Variants in PTP4A2 observed in about 807,000 individuals in gnomAD.
The protein encoded by PTP4A2 is protein tyrosine phosphatase type IVA 2.
Under a neutral mutation model 22.9 loss-of-function variants are expected in PTP4A2, and 2 were observed. The ratio of observed to expected loss-of-function variants is 0.09; its 90% CI spans 0.04 to 0.27. The LOEUF (loss-of-function observed/expected upper bound fraction) is 0.27, where lower values mean the gene tolerates loss of function less well. Among genes scored for constraint, PTP4A2 ranks in the 10% least tolerant of loss-of-function variants. The pLI is 1.00. For synonymous variants in PTP4A2, 68 were observed against 69.1 expected, an observed-to-expected ratio of 0.98 and a Z score of 0.08; for missense variants, 103 against 205.1, an observed-to-expected ratio of 0.50 and a Z score of 3.04.
In PTP4A2 at chr1:31,908,184, A is replaced by T. The variant is rs1157154284; in HGVS notation, c.*668T>A. The T allele has an allele frequency of 1.3e-4, 2 of 14,952 alleles. 1 individual carries two copies. Among genetic ancestry groups the T allele is most frequent in the Admixed American group, 2.2e-3 (2 of 902 alleles). The allele number at this position is 14,952 out of a possible 1,614,324, so 0.9% of individuals were successfully genotyped here. A position where few individuals can be genotyped will look rare whatever the true frequency, so the allele number is the denominator to read the frequency against. On this transcript the variant is annotated 3_prime_UTR_variant, in exon 6 of 6. Coordinates refer to ENST00000647444, the MANE Select transcript of PTP4A2 (RefSeq NM_080391.4). ...TATATATATATATATATATATATAT[A>T]TATATATATATATATATATATATCA... is the stretch of plus-strand genomic sequence containing the variant.
chr1:31,908,506 A>C lies in PTP4A2; in HGVS notation c.*346T>G. On this transcript the variant is annotated 3_prime_UTR_variant, in exon 6 of 6. Transcript: ENST00000647444. The stretch of plus-strand genomic sequence containing the variant: ...CCAAACAGATGGTTTTGCACAGGCT[A>C]ATGTTCTGCTGGTTTTCCTTAGAGA... 1 of 182,866 alleles carries C rather than the reference A, an allele frequency of 5.5e-6. No individual in the cohort carries two copies. The highest frequency in any genetic ancestry group is 1.1e-5 in the Non-Finnish European group (1 of 87,454). 11.3% of individuals were successfully genotyped at this position (182,866 alleles called of 1,614,324 possible).
At chr1:31,914,085 T>C (rs368846270) in intron 3 of PTP4A2, 11 of 376,288 alleles carry the variant, frequency 2.9e-5, no homozygotes, top group African/African-American at 1.1e-4. Context: ...TATTGACTGA[T>C]TGACTGACAA....
rs1295587006 is a variant in PTP4A2 at position 31,919,159 on chromosome 1, A to C, written c.-94T>G. ...ATCTTGAAATGTTTCACAGCAGAAAACATTAAAAAGACCACTAAAATGCCT... is the reference window on the plus strand; with the variant it reads ...ATCTTGAAATGTTTCACAGCAGAAACCATTAAAAAGACCACTAAAATGCCT... On this transcript the variant is annotated 5_prime_UTR_variant, in exon 2 of 6. Transcript: ENST00000647444. 4.7e-6 allele frequency: 3 copies of C among 641,602 alleles called. No individual in the cohort carries two copies. The highest frequency in any genetic ancestry group is 3.7e-5 in the African/African-American group (2 of 54,106). 39.7% of individuals were successfully genotyped at this position (641,602 alleles called of 1,614,324 possible). A position where few individuals can be genotyped will look rare whatever the true frequency, so the allele number is the denominator to read the frequency against.
chr1:31,916,438 A>G (rs1651852175), intron 2 of PTP4A2, among the ~76,000 whole-genome samples: 1 of 151,564 alleles, frequency 6.6e-6, no homozygotes, highest in Admixed American at 6.6e-5. Context: ...AATTGTTCTC[A>G]CTGTGGTTAT....
intron 2 of PTP4A2, among the ~76,000 whole-genome samples, chr1:31,916,449 A>G (rs140009277): frequency 9.2e-5 from 14 of 151,776 alleles, no homozygotes; most frequent in East Asian, 5.8e-4. Flanking sequence ...CTGTGGTTAT[A>G]TATTCAATGG....
chr1:31,917,830 T>C (rs1016675209), intron 2 of PTP4A2, among the ~76,000 whole-genome samples: 4 of 143,136 alleles, frequency 2.8e-5, no homozygotes, highest in Non-Finnish European at 4.5e-5. Flanking sequence ...AAAAATTAGC[T>C]GGGTGTGGTG....
intron 1 of PTP4A2, among the ~76,000 whole-genome samples, chr1:31,923,373 C>T (rs1292954582): frequency 8.0e-6 from 1 of 124,860 alleles, no homozygotes; most frequent in Non-Finnish European, 1.6e-5. Context: ...CTTGCTCTGT[C>T]GCCCAGGCTG....
chr1:31,928,218 AAT>A (rs1431522084), intron 1 of PTP4A2, among the ~76,000 whole-genome samples: 1 of 138,110 alleles, frequency 7.2e-6, no homozygotes, highest in Non-Finnish European at 1.5e-5. Context: ...ATAATATATA[AAT>A]ATAATAATAT....
intron 1 of PTP4A2, among the ~76,000 whole-genome samples, chr1:31,920,694 C>G (rs1652102535): frequency 6.6e-6 from 1 of 151,752 alleles, no homozygotes; most frequent in Non-Finnish European, 1.5e-5. Context: ...CCCACCACCA[C>G]ACCTGGCTAA....
At chr1:31,932,143 T>C (rs935448581) in intron 1 of PTP4A2, among the ~76,000 whole-genome samples, 1 of 152,224 alleles carries the variant, frequency 6.6e-6, no homozygotes, top group Non-Finnish European at 1.5e-5. Context: ...ACAGCCAACA[T>C]ATCTGGCCAC....
rs1370553466 is a variant in PTP4A2, at chr1:31,919,290, G to C, written c.-225C>G. 1 of 297,612 alleles carries C rather than the reference G, an allele frequency of 3.4e-6. No homozygotes were observed. Among genetic ancestry groups the C allele is most frequent in the Admixed American group, 4.9e-5 (1 of 20,496 alleles). 18.4% of individuals were successfully genotyped at this position (297,612 alleles called of 1,614,324 possible). ...ATCCACTTGAATCCAAATTCAATTT[G>C]GGCCTCAATTTCTGCAGATGGATAC... On this transcript the variant is annotated 5_prime_UTR_variant, in exon 2 of 6. Transcript: ENST00000647444.
Position 31,908,926 on chromosome 1 carries a change from G to A in PTP4A2, c.430C>T (p.Leu144Phe), listed in dbSNP as rs1651384834. The A allele has an allele frequency of 6.2e-7, 1 of 1,613,982 alleles. No homozygotes were observed. Among genetic ancestry groups the A allele is most frequent in the South Asian group, 1.1e-5 (1 of 91,080 alleles). ...RRGAFNSKQLLYLEKYRPKMR... is the reference protein window; with the variant it reads ...RRGAFNSKQLFYLEKYRPKMR... ...TTAGGTCGGTATTTCTCCAAATAAAGCAGCTGTTTGGAATTGAACGCTCCC... is the reference window on the plus strand; with the variant it reads ...TTAGGTCGGTATTTCTCCAAATAAAACAGCTGTTTGGAATTGAACGCTCCC... Residue 144 changes from leucine to phenylalanine, a missense_variant, in exon 6 of 6, where the codon CTT becomes TTT. Leu to Phe is a conservative substitution (Grantham distance 22, BLOSUM62 0). Transcript: ENST00000647444.
At chr1:31,922,611 TTTC>T (rs1652223707) in intron 1 of PTP4A2, among the ~76,000 whole-genome samples, 1 of 148,600 alleles carries the variant, frequency 6.7e-6, no homozygotes, top group African/African-American at 2.6e-5. Context: ...TCTTTCTTTC[TTTC>T]TTTCTTTCTT....
intron 1 of PTP4A2, among the ~76,000 whole-genome samples, chr1:31,935,294 AAG>A (rs1431781612): frequency 6.6e-6 from 1 of 152,270 alleles, no homozygotes; most frequent in African/African-American, 2.4e-5. Flanking sequence ...CCGGGGCCCC[AAG>A]AGAGTTTCAA....
Position 31,908,133 on chromosome 1 carries a change from TATTATA to T in PTP4A2, c.*713_*718del, listed in dbSNP as rs1557858774. ...TGGAAAATATATATATATATATATA[TATTATA>T]TTATATATATATATATATATATATA... On this transcript the variant is annotated 3_prime_UTR_variant, in exon 6 of 6. Coordinates refer to ENST00000647444, the MANE Select transcript of PTP4A2 (RefSeq NM_080391.4). 5.8e-3 allele frequency: 2 copies of T among 346 alleles called. No individual in the cohort carries two copies. Among genetic ancestry groups the T allele is most frequent in the South Asian group, 0.12 (1 of 8 alleles). The allele number at this position is 346 out of a possible 1,614,324, so 0.0% of individuals were successfully genotyped here.
In PTP4A2 at chr1:31,908,420, GA is replaced by G. The variant is rs1395603314; in HGVS notation, c.*431del. On this transcript the variant is annotated 3_prime_UTR_variant, in exon 6 of 6. Coordinates refer to ENST00000647444, the MANE Select transcript of PTP4A2 (RefSeq NM_080391.4). Reference sequence around the variant, plus strand: ...ACCAACCCTCCCCCACAAAAAAAGGGAAAAAAAAAATCCCACCACAGGGAGA... The same window carrying G: ...ACCAACCCTCCCCCACAAAAAAAGGGAAAAAAAAATCCCACCACAGGGAGA... 19 of 143,976 alleles carry G rather than the reference GA, an allele frequency of 1.3e-4. No individual in the cohort carries two copies. The highest frequency in any genetic ancestry group is 2.2e-4 in the South Asian group (1 of 4,580). The allele number at this position is 143,976 out of a possible 1,614,324, so 8.9% of individuals were successfully genotyped here.
chr1:31,913,818 A>G (rs886251420), intron 3 of PTP4A2: 6 of 456,192 alleles, frequency 1.3e-5, no homozygotes, highest in Non-Finnish European at 2.2e-5. Context: ...ACTATGGTCA[A>G]TCCAGTCATT....
At chr1:31,937,500 C>T (rs1348901175) in intron 1 of PTP4A2, among the ~76,000 whole-genome samples, 1 of 151,846 alleles carries the variant, frequency 6.6e-6, no homozygotes, top group Non-Finnish European at 1.5e-5. Flanking sequence ...CACACTCCTG[C>T]CTCTGCCACG....
At chr1:31,922,635 TTTTA>T (rs1195468971) in intron 1 of PTP4A2, among the ~76,000 whole-genome samples, 9 of 124,484 alleles carry the variant, frequency 7.2e-5, no homozygotes, top group African/African-American at 1.9e-4. Flanking sequence ...TCTTTCTTTC[TTTTA>T]TTTATTTTGA....
Sources: gnomAD v4.1 joint callset for allele counts (sites outside exome capture counted in the v4.1 genomes callset) on GRCh38, gnomAD v4.1.1 for gene constraint, MANE v1.5 for transcripts, NCBI Gene and HGNC (gene_info 2026-07-23, HGNC 2026-07-21) for gene names.